DDHD1: variants seen among roughly 807,000 people sequenced by gnomAD.
DDHD1 encodes the protein phospholipase DDHD1.
In DDHD1, 49 loss-of-function variants were observed where a neutral mutation model predicts 96.4. That is an observed-to-expected ratio of 0.51 (90% CI 0.40 to 0.64). The LOEUF is 0.64. DDHD1 is among the 30% of genes least tolerant of loss of function. The pLI is 0.00. For synonymous variants in DDHD1, 442 were observed against 446.5 expected, an observed-to-expected ratio of 0.99 and a Z score of 0.13; for missense variants, 1,106 against 1,161.2, an observed-to-expected ratio of 0.95 and a Z score of 0.69.
At chr14:53,073,712 T>G (rs1884720948) in intron 5 of DDHD1, 29 bp downstream of exon 5, 2 of 1,570,750 alleles carry the variant, frequency 1.3e-6, no homozygotes, top group Non-Finnish European at 1.7e-6. Flanking sequence ...TGCCATTGGC[T>G]AAATCATTCA....
At chr14:53,058,377 A>G in intron 9 of DDHD1, 100 bp downstream of exon 9, 2 of 1,347,728 alleles carry the variant, frequency 1.5e-6, no homozygotes, top group Non-Finnish European at 2.0e-6. Flanking sequence ...AGCCTCCCAA[A>G]GTGCTGGGAT....
At chr14:53,133,559 C>G (rs1318356302) in intron 1 of DDHD1, among the ~76,000 whole-genome samples, 1 of 152,170 alleles carries the variant, frequency 6.6e-6, no homozygotes, top group Non-Finnish European at 1.5e-5. Context: ...CACACCTCAC[C>G]AAACTCAGCC....
intron 2 of DDHD1, chr14:53,103,430 T>G (rs1195325057): frequency 2.8e-5 from 11 of 395,236 alleles, no homozygotes; most frequent in Non-Finnish European, 4.4e-5. Flanking sequence ...GAGTGCATTG[T>G]AACAATCTGT....
intron 6 of DDHD1, among the ~76,000 whole-genome samples, chr14:53,067,379 A>G (rs1884123121): frequency 6.6e-6 from 1 of 151,668 alleles, no homozygotes; most frequent in South Asian, 2.1e-4. Context: ...GGCTGGTCTG[A>G]ACTACCAGCC....
rs1427802442 is a variant in DDHD1, at chr14:53,042,952, G to A, written c.*3816C>T. 6.6e-6 allele frequency: 1 copy of A among 152,144 alleles called. No individual in the cohort carries two copies. The highest frequency in any genetic ancestry group is 1.9e-4 in the East Asian group (1 of 5,198). 9.4% of individuals were successfully genotyped at this position (152,144 alleles called of 1,614,324 possible). On this transcript the variant is annotated 3_prime_UTR_variant, in exon 13 of 13. Transcript: ENST00000673822. ...CACATGCCTTACTCATTAATTAGCT[G>A]AGAAGATAGAAATACCAATCTAATG...
intron 2 of DDHD1, 141 bp downstream of exon 2, chr14:53,103,542 A>G: frequency 1.5e-6 from 1 of 657,068 alleles, no homozygotes; most frequent in Admixed American, 3.6e-5. Context: ...TTTAAATTCT[A>G]GAATAATCAA....
intron 4 of DDHD1, among the ~76,000 whole-genome samples, chr14:53,089,395 T>C (rs1456203946): frequency 6.6e-6 from 1 of 152,184 alleles, no homozygotes; most frequent in East Asian, 1.9e-4. Flanking sequence ...GGAGGCATCA[T>C]GCTAACTGAC....
chr14:53,051,224 G>A (rs1012095128), intron 12 of DDHD1, among the ~76,000 whole-genome samples: 2 of 151,442 alleles, frequency 1.3e-5, no homozygotes, highest in African/African-American at 4.8e-5. Flanking sequence ...AGAAGCTGTG[G>A]AAAAAGAATC....
intron 12 of DDHD1, among the ~76,000 whole-genome samples, chr14:53,051,054 GTTTT>G (rs760678139): frequency 1.5e-5 from 2 of 137,340 alleles, no homozygotes; most frequent in East Asian, 2.1e-4. Flanking sequence ...TAATGTAAGA[GTTTT>G]TTTTTTTTTT....
rs559224871 is a variant in DDHD1, at chr14:53,074,696, CT to C, written c.1290-850del. On this transcript the variant is annotated intron_variant, in intron 4 of 12. Coordinates refer to ENST00000673822, the MANE Select transcript of DDHD1 (RefSeq NM_001160148.2). ...ACTGCAATTGGAAGACATGTCTCTA[CT>C]ATAGGCTCCTTTCTCTATTTGCCTT... Among the ~76,000 whole-genome samples the C allele has an allele frequency of 1.8e-4, 28 of 152,230 alleles. No individual in the cohort carries two copies. The South Asian group carries it at 4.8e-3, about 26-fold the overall frequency.
chr14:53,076,506 T>C (rs1172516225), intron 4 of DDHD1, among the ~76,000 whole-genome samples: 1 of 152,180 alleles, frequency 6.6e-6, no homozygotes, highest in Admixed American at 6.6e-5. Context: ...GTGAATATTG[T>C]TGAAATGGCA....
rs1881669166 is a variant in DDHD1 at position 53,041,762 on chromosome 14, T to C, written c.*5006A>G. ...GGAAGTCTGTCCAGACCTGATAGGG[T>C]ACTCTTATGAGAGTCTGGAAGAAAG... On this transcript the variant is annotated 3_prime_UTR_variant, in exon 13 of 13. Coordinates refer to ENST00000673822, the MANE Select transcript of DDHD1 (RefSeq NM_001160148.2). 2.0e-5 allele frequency: 3 copies of C among 152,174 alleles called. No individual in the cohort carries two copies. In the South Asian group the frequency reaches 6.2e-4, roughly 32 times the overall value. The allele number at this position is 152,174 out of a possible 1,614,324, so 9.4% of individuals were successfully genotyped here.
At chr14:53,136,441 T>C (rs1890249950) in intron 1 of DDHD1, among the ~76,000 whole-genome samples, 1 of 152,176 alleles carries the variant, frequency 6.6e-6, no homozygotes, top group Non-Finnish European at 1.5e-5. Flanking sequence ...CGCCAAGACC[T>C]AGAATTTGTG....
At chr14:53,132,808 A>G (rs770821640) in intron 1 of DDHD1, among the ~76,000 whole-genome samples, 4 of 152,208 alleles carry the variant, frequency 2.6e-5, no homozygotes, top group Non-Finnish European at 5.9e-5. Context: ...AAGGCATCAC[A>G]TCCCAGTGCT....
At chr14:53,134,501 T>C (rs1330312252) in intron 1 of DDHD1, among the ~76,000 whole-genome samples, 1 of 151,252 alleles carries the variant, frequency 6.6e-6, no homozygotes, top group Non-Finnish European at 1.5e-5. Flanking sequence ...TCACTCACTC[T>C]CTCCTAGCCA....
At chr14:53,127,085 T>C (rs1889506665) in intron 1 of DDHD1, among the ~76,000 whole-genome samples, 2 of 152,024 alleles carry the variant, frequency 1.3e-5, no homozygotes, top group South Asian at 2.1e-4. Context: ...GAACATATGT[T>C]TTTTTAAAAA....
At chr14:53,121,173 T>C (rs1356698573) in intron 1 of DDHD1, among the ~76,000 whole-genome samples, 1 of 151,410 alleles carries the variant, frequency 6.6e-6, no homozygotes, top group African/African-American at 2.4e-5. Context: ...CCAAAAAACA[T>C]GAAAAAAAAG....
intron 1 of DDHD1, among the ~76,000 whole-genome samples, chr14:53,118,435 A>T (rs986356115): frequency 3.9e-5 from 6 of 152,162 alleles, no homozygotes; most frequent in African/African-American, 1.4e-4. Context: ...ATGAATGGCT[A>T]ACAAGAATAA....
At chr14:53,118,372 G>A (rs1447880518) in intron 1 of DDHD1, among the ~76,000 whole-genome samples, 2 of 152,166 alleles carry the variant, frequency 1.3e-5, no homozygotes, top group Non-Finnish European at 2.9e-5. Context: ...CTGAGCTAAA[G>A]GAGCATGTTC....
Sources: allele counts gnomAD v4.1 joint callset (sites outside exome capture counted in the v4.1 genomes callset), GRCh38; gene constraint gnomAD v4.1.1; transcripts MANE v1.5; gene names NCBI Gene and HGNC (gene_info 2026-07-23, HGNC 2026-07-21).